The following ARHGAP15 variants were observed in gnomAD, a reference collection of about 807,000 sequenced individuals.
The protein encoded by ARHGAP15 is rho GTPase-activating protein 15.
Under a neutral mutation model 63.7 loss-of-function variants are expected in ARHGAP15, and 51 were observed. That is an observed-to-expected ratio of 0.80 (90% CI 0.64 to 1.01). The LOEUF is 1.01. ARHGAP15 is among the 50% of genes least tolerant of loss of function. The pLI is 0.00. For synonymous variants in ARHGAP15, 191 were observed against 193.8 expected, an observed-to-expected ratio of 0.99 and a Z score of 0.12; for missense variants, 560 against 564.6, an observed-to-expected ratio of 0.99 and a Z score of 0.08.
chr2:143,341,336 G>A (rs1273193815), intron 6 of ARHGAP15, among the ~76,000 whole-genome samples: 1 of 152,052 alleles, frequency 6.6e-6, no homozygotes, highest in Non-Finnish European at 1.5e-5. Flanking sequence ...ATTATCCACT[G>A]CTGTTGTGAA....
intron 6 of ARHGAP15, among the ~76,000 whole-genome samples, chr2:143,351,926 A>T (rs1685591990): frequency 6.6e-6 from 1 of 152,220 alleles, no homozygotes; most frequent in African/African-American, 2.4e-5. Flanking sequence ...TATAAATAAA[A>T]GGATCAGTTC....
chr2:143,368,267 A>G (rs954764026), intron 6 of ARHGAP15, among the ~76,000 whole-genome samples: 2 of 152,072 alleles, frequency 1.3e-5, no homozygotes, highest in Admixed American at 1.3e-4. Context: ...GTAAAGAAAT[A>G]TGAAGAGCGT....
intron 8 of ARHGAP15, among the ~76,000 whole-genome samples, chr2:143,476,414 T>TA (rs1454953803): frequency 6.6e-6 from 1 of 151,802 alleles, no homozygotes; most frequent in Non-Finnish European, 1.5e-5. Context: ...TTCAAATTAA[T>TA]AATAAAACTG....
chr2:143,306,786 C>T (rs114808734), intron 6 of ARHGAP15, among the ~76,000 whole-genome samples: 50 of 152,202 alleles, frequency 3.3e-4, no homozygotes, highest in African/African-American at 1.2e-3. Flanking sequence ...CTTTTTCCAT[C>T]CCTTTCCCCC....
At chr2:143,174,748 T>TC (rs1369113724) in intron 2 of ARHGAP15, among the ~76,000 whole-genome samples, 2 of 152,256 alleles carry the variant, frequency 1.3e-5, no homozygotes, top group East Asian at 3.9e-4. Flanking sequence ...CAGTATGGTC[T>TC]CCCCCATATC....
At chr2:143,515,235 C>G (rs1693761971) in intron 9 of ARHGAP15, among the ~76,000 whole-genome samples, 1 of 127,310 alleles carries the variant, frequency 7.9e-6, no homozygotes, top group South Asian at 2.8e-4. Context: ...AGTAAACCTT[C>G]TCAAGTAGAG....
intron 8 of ARHGAP15, among the ~76,000 whole-genome samples, chr2:143,451,187 G>A (rs1450732697): frequency 6.6e-6 from 1 of 151,770 alleles, no homozygotes; most frequent in South Asian, 2.1e-4. Flanking sequence ...TCATACATTC[G>A]CCTCTCGGGG....
At chr2:143,613,592 C>T (rs1246499601) in intron 11 of ARHGAP15, among the ~76,000 whole-genome samples, 2 of 152,116 alleles carry the variant, frequency 1.3e-5, no homozygotes, top group African/African-American at 4.8e-5. Flanking sequence ...TTATAAACTT[C>T]AGGAAAATAG....
chr2:143,320,980 C>T (rs888287765), intron 6 of ARHGAP15, among the ~76,000 whole-genome samples: 1 of 152,160 alleles, frequency 6.6e-6, no homozygotes, highest in Non-Finnish European at 1.5e-5. Flanking sequence ...CAGCACCAGG[C>T]TTTTGCCCGG....
At chr2:143,273,596 T>TA (rs1294827456) in intron 6 of ARHGAP15, among the ~76,000 whole-genome samples, 8 of 152,164 alleles carry the variant, frequency 5.3e-5, no homozygotes, top group Non-Finnish European at 1.0e-4. Context: ...ATATTACAAA[T>TA]AAAAAATCAT....
intron 2 of ARHGAP15, among the ~76,000 whole-genome samples, chr2:143,166,568 A>G (rs759387928): frequency 6.6e-6 from 1 of 152,094 alleles, no homozygotes; most frequent in Non-Finnish European, 1.5e-5. Context: ...TTAGCTACCT[A>G]GACATCCTCA....
intron 6 of ARHGAP15, among the ~76,000 whole-genome samples, chr2:143,413,966 T>TGTGTGTGTGTGTGTGTGCGCGCGCGC: frequency 5.1e-5 from 6 of 117,908 alleles, no homozygotes; most frequent in African/African-American, 1.1e-4. Flanking sequence ...TGTGTGTGTG[T>TGTGTGTGTGTGTGTGTGCGCGCGCGC]GCGCGCTCTC....
At position 143,487,437 on chromosome 2, in the gene ARHGAP15, G is replaced by A. The variant is rs556066474; in HGVS notation, c.768G>A (p.Lys256=). 4.0e-5 allele frequency: 64 copies of A among 1,613,806 alleles called. No individual in the cohort carries two copies. In the East Asian group the frequency reaches 1.4e-3, roughly 34 times the overall value. The change falls in exon 9 of 14, where the codon AAG becomes AAA. Residue 256 remains lysine (K), a synonymous_variant. Transcript: ENST00000295095. Reference sequence around the variant, plus strand: ...AAAATCGAGTTAAAAGCAGATTAAAGAAGTTTATTACCCGAAGACCTTCCC... The same window carrying A: ...AAAATCGAGTTAAAAGCAGATTAAAAAAGTTTATTACCCGAAGACCTTCCC... The part of the protein sequence containing the change: ...SDKNRVKSRL[K]KFITRRPSLK...
At chr2:143,359,583 A>G (rs1174849177) in intron 6 of ARHGAP15, among the ~76,000 whole-genome samples, 1 of 152,144 alleles carries the variant, frequency 6.6e-6, no homozygotes, top group African/African-American at 2.4e-5. Flanking sequence ...GCAAAGAAAT[A>G]AAGAAAAATG....
chr2:143,164,942 A>G (rs542532092), intron 2 of ARHGAP15, among the ~76,000 whole-genome samples: 1 of 152,072 alleles, frequency 6.6e-6, no homozygotes, highest in Non-Finnish European at 1.5e-5. Flanking sequence ...TGGAAATTAT[A>G]AAACAAAATT....
chr2:143,470,292 GAA>G (rs527918583), intron 8 of ARHGAP15, among the ~76,000 whole-genome samples: 8 of 126,716 alleles, frequency 6.3e-5, no homozygotes, highest in East Asian at 2.2e-4. Context: ...CAAGGTTTTG[GAA>G]AAAAAAAAAA....
chr2:143,254,430 CTCTTATA>C (rs1042819431), intron 6 of ARHGAP15, among the ~76,000 whole-genome samples: 7 of 150,826 alleles, frequency 4.6e-5, no homozygotes, highest in African/African-American at 1.7e-4. Context: ...AAAAAAAAAA[CTCTTATA>C]TCTTGTTTCT....
At chr2:143,417,822 A>G (rs1688751002) in intron 6 of ARHGAP15, among the ~76,000 whole-genome samples, 1 of 152,240 alleles carries the variant, frequency 6.6e-6, no homozygotes, top group Admixed American at 6.5e-5. Flanking sequence ...CCAAAAATTG[A>G]GAATGCCATA....
intron 6 of ARHGAP15, among the ~76,000 whole-genome samples, chr2:143,365,616 CCAG>C (rs1686261208): frequency 6.6e-6 from 1 of 152,214 alleles, no homozygotes. Context: ...ACACAAATCA[CCAG>C]CAAGAAATTA....
Sources: gnomAD v4.1 joint callset for allele counts (sites outside exome capture counted in the v4.1 genomes callset) on GRCh38, gnomAD v4.1.1 for gene constraint, MANE v1.5 for transcripts, NCBI Gene and HGNC (gene_info 2026-07-23, HGNC 2026-07-21) for gene names.